DISP1: variants seen among roughly 807,000 people sequenced by gnomAD.
The protein encoded by DISP1 is protein dispatched homolog 1.
In DISP1, 30 loss-of-function variants were observed where a neutral mutation model predicts 37.3. The observed-to-expected ratio is 0.80, with a 90% confidence interval of 0.60 to 1.09. DISP1 has a LOEUF of 1.09. Ranked by LOEUF, DISP1 falls within the 50% of genes least tolerant of loss-of-function variation. The pLI, the probability that DISP1 is intolerant of heterozygous loss-of-function variation, is 0.00. For synonymous variants in DISP1, 634 were observed against 690.2 expected, an observed-to-expected ratio of 0.92 and a Z score of 1.28; for missense variants, 1,598 against 1,879.5, an observed-to-expected ratio of 0.85 and a Z score of 2.77.
chr1:222,905,683 A>G (rs765008019), intron 1 of DISP1, among the ~76,000 whole-genome samples: 1 of 152,290 alleles, frequency 6.6e-6, no homozygotes, highest in African/African-American at 2.4e-5. Flanking sequence ...AAGCTTTAAT[A>G]AAATTATAAA....
intron 2 of DISP1, among the ~76,000 whole-genome samples, chr1:222,933,222 A>C (rs1673512114): frequency 6.6e-6 from 1 of 151,914 alleles, no homozygotes; most frequent in African/African-American, 2.4e-5. Context: ...TTATCTGGAA[A>C]CTTTAATTTT....
At chr1:222,881,930 CACATA>C (rs1345073893) in intron 1 of DISP1, among the ~76,000 whole-genome samples, 2 of 152,044 alleles carry the variant, frequency 1.3e-5, no homozygotes, top group African/African-American at 4.8e-5. Flanking sequence ...TTGACATGTA[CACATA>C]ACTTAATACC....
chr1:222,876,220 CATTA>C (rs2125357135), intron 1 of DISP1, among the ~76,000 whole-genome samples: 2 of 152,198 alleles, frequency 1.3e-5, no homozygotes, highest in African/African-American at 4.8e-5. Context: ...ATTTCATAAA[CATTA>C]ATTGTGTGTG....
chr1:222,949,239 C>A (rs1318585872), intron 3 of DISP1, among the ~76,000 whole-genome samples: 1 of 152,028 alleles, frequency 6.6e-6, no homozygotes, highest in Non-Finnish European at 1.5e-5. Context: ...TGCTAAACTA[C>A]AAAAATTAGC....
intron 3 of DISP1, among the ~76,000 whole-genome samples, chr1:222,957,848 G>A (rs769075946): frequency 2.0e-5 from 3 of 152,156 alleles, no homozygotes; most frequent in African/African-American, 7.2e-5. Flanking sequence ...CCAGGCTATA[G>A]TAAGAGAAAA....
rs369654102 is a variant in DISP1 at position 222,984,435 on chromosome 1, T to TAGAGAGAGAG, written c.539+1341_539+1350dup. 7.0e-3 allele frequency among the ~76,000 whole-genome samples: 754 copies of TAGAGAGAGAG among 108,332 alleles called. 17 individuals are homozygous for TAGAGAGAGAG. Among genetic ancestry groups the TAGAGAGAGAG allele is most frequent in the African/African-American group, 0.018 (467 of 26,394 alleles). 71.1% of individuals were successfully genotyped at this position (108,332 alleles called of 152,430 possible). A position where few individuals can be genotyped will look rare whatever the true frequency, so the allele number is the denominator to read the frequency against. On this transcript the variant is annotated intron_variant, in intron 4 of 8. Coordinates refer to ENST00000675850, the MANE Select transcript of DISP1 (RefSeq NM_001377229.1). ...AAAAAAAAAAAAATATATATATATA[T>TAGAGAGAGAG]AGAGAGAGAGAGAGAGAGAGAGAGC...
chr1:222,824,412 A>G (rs1663761708), intron 1 of DISP1, among the ~76,000 whole-genome samples: 1 of 150,162 alleles, frequency 6.7e-6, no homozygotes. Context: ...GGTGGAGCTT[A>G]TTTTAAAGCC....
At chr1:222,936,525 ATGTC>A (rs149964966) in intron 2 of DISP1, among the ~76,000 whole-genome samples, 3,666 of 131,606 alleles carry the variant, frequency 0.028, 65 homozygotes, top group Non-Finnish European at 0.036. Flanking sequence ...TATGATGGAA[ATGTC>A]TCTCTCTCTC....
In DISP1 at chr1:222,990,136, G is replaced by A. The variant is rs371915668; in HGVS notation, c.540-489G>A. Among the ~76,000 whole-genome samples, 9 of 152,242 alleles carry A rather than the reference G, an allele frequency of 5.9e-5. 1 individual carries two copies. Among genetic ancestry groups the A allele is most frequent in the East Asian group, 3.9e-4 (2 of 5,190 alleles). On this transcript the variant is annotated intron_variant, in intron 4 of 8. Coordinates refer to ENST00000675850, the MANE Select transcript of DISP1 (RefSeq NM_001377229.1). ...GTTATTTTTAAGATCTGAACTGTAT[G>A]AACCTGTTTATAGACTCTCACTGTT... is the stretch of plus-strand genomic sequence containing the variant.
rs528813858 is a variant in DISP1 at position 222,879,703 on chromosome 1, A to G, written c.-158-48727A>G. On this transcript the variant is annotated intron_variant, in intron 1 of 8. Transcript: ENST00000675850. The stretch of plus-strand genomic sequence containing the variant: ...TATGTAAATATCAATTGTTAAAAAC[A>G]CAGATTGACAAGAAAAAGACCAAAG... Among the ~76,000 whole-genome samples, 6 of 152,278 alleles carry G rather than the reference A, an allele frequency of 3.9e-5. No individual in the cohort carries two copies. The South Asian group carries it at 1.2e-3, about 32-fold the overall frequency.
intron 8 of DISP1, among the ~76,000 whole-genome samples, chr1:222,999,360 C>T (rs189792570): frequency 6.6e-5 from 10 of 152,134 alleles, no homozygotes; most frequent in African/African-American, 2.2e-4. Flanking sequence ...CCTATGAATC[C>T]CTCTTCCAAA....
intron 1 of DISP1, among the ~76,000 whole-genome samples, chr1:222,825,313 C>A (rs1252193560): frequency 6.6e-6 from 1 of 151,964 alleles, no homozygotes; most frequent in African/African-American, 2.4e-5. Flanking sequence ...ATTGATTTAG[C>A]CATTTCATAA....
At chr1:222,895,423 A>G (rs1242592470) in intron 1 of DISP1, among the ~76,000 whole-genome samples, 2 of 152,128 alleles carry the variant, frequency 1.3e-5, no homozygotes, top group Non-Finnish European at 2.9e-5. Context: ...TTTAAGAATA[A>G]CTGATTTTTT....
At chr1:222,956,635 T>G (rs1675617828) in intron 3 of DISP1, among the ~76,000 whole-genome samples, 1 of 152,126 alleles carries the variant, frequency 6.6e-6, no homozygotes, top group South Asian at 2.1e-4. Flanking sequence ...TGCATTGCTT[T>G]TTTTTAACCT....
chr1:222,818,301 A>T lies in DISP1; in HGVS notation c.-159+3223A>T, dbSNP rs1661752869. The stretch of plus-strand genomic sequence containing the variant: ...AGCAGAAAGACTTTTAGTTGTTATT[A>T]TAGTTTTTGAATACCACACAGATGA... On this transcript the variant is annotated intron_variant, in intron 1 of 8. Transcript: ENST00000675850. Among the ~76,000 whole-genome samples, 3 of 152,292 alleles carry T rather than the reference A, an allele frequency of 2.0e-5. No homozygotes were observed. In the South Asian group the frequency reaches 6.2e-4, roughly 32 times the overall value.
chr1:222,880,060 T>C (rs1448582059), intron 1 of DISP1, among the ~76,000 whole-genome samples: 1 of 152,144 alleles, frequency 6.6e-6, no homozygotes, highest in Non-Finnish European at 1.5e-5. Flanking sequence ...AAATACCTTT[T>C]TATAATAACA....
At chr1:222,919,463 T>C (rs1209489164) in intron 1 of DISP1, among the ~76,000 whole-genome samples, 1 of 152,184 alleles carries the variant, frequency 6.6e-6, no homozygotes, top group East Asian at 1.9e-4. Flanking sequence ...CCAGTAAATA[T>C]GAAGGGCTGT....
intron 1 of DISP1, among the ~76,000 whole-genome samples, chr1:222,925,234 A>G (rs1673016830): frequency 6.6e-6 from 1 of 152,128 alleles, no homozygotes; most frequent in Non-Finnish European, 1.5e-5. Flanking sequence ...ATAAATAAGA[A>G]TTTATAAGTT....
intron 1 of DISP1, among the ~76,000 whole-genome samples, chr1:222,856,769 A>G (rs1049744924): frequency 2.0e-5 from 3 of 149,634 alleles, no homozygotes; most frequent in Non-Finnish European, 1.5e-5. Context: ...CAGTGGCTCA[A>G]TCTTGGCTCA....
Sources: gnomAD v4.1 joint callset for allele counts (sites outside exome capture counted in the v4.1 genomes callset) on GRCh38, gnomAD v4.1.1 for gene constraint, MANE v1.5 for transcripts, NCBI Gene and HGNC (gene_info 2026-07-23, HGNC 2026-07-21) for gene names.